Variants in AMY2B observed in about 807,000 individuals in gnomAD.
The protein encoded by AMY2B is alpha-amylase 2B.
In AMY2B, 63 loss-of-function variants were observed where a neutral mutation model predicts 59.3. The ratio of observed to expected loss-of-function variants is 1.06; its 90% confidence interval spans 0.87 to 1.31. The LOEUF (loss-of-function observed/expected upper bound fraction) is 1.31, where lower values mean the gene tolerates loss of function less well. AMY2B is among the 50% of genes most tolerant of loss of function. The pLI is 0.00. For missense variants in AMY2B, 635 were observed against 626.7 expected (o/e 1.01, Z -0.14); for synonymous variants, 180 against 198.1 (o/e 0.91, Z 0.77).
exon 1 of AMY2B, chr1:103,554,934 C>T (rs1176419604): frequency 6.6e-6 from 1 of 152,164 alleles, no homozygotes; most frequent in African/African-American, 2.4e-5. Context: ...TGACATGATT[C>T]ACTAATTTTC....
rs112568517 is a variant in AMY2B at position 103,565,147 on chromosome 1, T to C, written c.-206-288T>C. 1,331 of 152,230 alleles carry C rather than the reference T, an allele frequency of 8.7e-3. 23 individuals carry two copies. The highest frequency in any genetic ancestry group is 0.031 in the African/African-American group (1,267 of 41,514). 9.4% of individuals were successfully genotyped at this position (152,230 alleles called of 1,614,324 possible). ...TGAAACCACAGATAGTACCAAGCCT[T>C]TTGCAGTCATCTCTCCAGTATCTGT... On this transcript the variant is annotated intron_variant, in intron 1 of 11. Transcript: ENST00000361355.
rs1328355650 is a variant in AMY2B at position 103,577,800 on chromosome 1, T to C, written c.1301T>C (p.Phe434Ser). The stretch of plus-strand genomic sequence containing the variant: ...GATAATGGGAGCAACCAAGTGGCTT[T>C]TGGGAGAGGAAACAGAGGATTCATT... Reference protein sequence around the residue: ...WYDNGSNQVAFGRGNRGFIVF... With the variant: ...WYDNGSNQVASGRGNRGFIVF... The change falls in exon 9 of 10, where the codon TTT becomes TCT. Residue 434 changes from phenylalanine (F) to serine (S), a missense_variant. Physicochemically the swap from Phe to Ser is radical, Grantham distance 155. Coordinates refer to ENST00000684275, the MANE Select transcript of AMY2B (RefSeq NM_001387437.1). 1.2e-6 allele frequency: 2 copies of C among 1,606,472 alleles called. No individual in the cohort carries two copies. Among genetic ancestry groups the C allele is most frequent in the East Asian group, 2.2e-5 (1 of 44,872 alleles).
In AMY2B at chr1:103,577,194, T is replaced by A. The variant is rs539531217; in HGVS notation, c.1102-296T>A. On this transcript the variant is annotated intron_variant, in intron 7 of 9. Coordinates refer to ENST00000684275, the MANE Select transcript of AMY2B (RefSeq NM_001387437.1). ...TCAAGGCTGCAGTGAGCTATGATTA[T>A]GCCACTGTACTCCAGCCTGGGTGAC... 4.6e-5 allele frequency among the ~76,000 whole-genome samples: 7 copies of A among 152,306 alleles called. No homozygotes were observed. In the South Asian group the frequency reaches 1.5e-3, roughly 32 times the overall value.
intron 1 of AMY2B, among the ~76,000 whole-genome samples, chr1:103,555,766 G>A (rs954084369): frequency 2.0e-5 from 3 of 152,270 alleles, no homozygotes; most frequent in Admixed American, 6.5e-5. Context: ...AAAGAGTCTT[G>A]CGTTCAAGGG....
Position 103,571,747 on chromosome 1 carries a change from C to A in AMY2B, c.145C>A (p.Pro49Thr). ...TCTTGAATGTGAGCGATATTTAGCT[C>A]CCAAGGGATTTGGAGGGGTTCAGGT... ...IALECERYLA[P>T]KGFGGVQVSP... Residue 49 changes from proline to threonine, a missense_variant, in exon 1 of 10, where the codon CCC becomes ACC. By Grantham distance (38) the Pro-to-Thr change is conservative. Transcript: ENST00000684275. 5.6e-6 allele frequency: 9 copies of A among 1,611,838 alleles called. No homozygotes were observed. Among genetic ancestry groups the A allele is most frequent in the Non-Finnish European group, 7.6e-6 (9 of 1,179,810 alleles).
intron 7 of AMY2B, among the ~76,000 whole-genome samples, chr1:103,576,705 CTA>C (rs1652369037): frequency 6.6e-6 from 1 of 152,080 alleles, no homozygotes; most frequent in Admixed American, 6.6e-5. Context: ...ATGATGGACT[CTA>C]ATATTTATTG....
intron 1 of AMY2B, among the ~76,000 whole-genome samples, chr1:103,555,990 G>C (rs183535411): frequency 2.0e-5 from 3 of 152,096 alleles, no homozygotes; most frequent in Non-Finnish European, 4.4e-5. Flanking sequence ...CATTAGTAAC[G>C]GTAGGATGAA....
chr1:103,557,304 T>A (rs1335755365), intron 1 of AMY2B, among the ~76,000 whole-genome samples: 1 of 152,160 alleles, frequency 6.6e-6, no homozygotes, highest in Non-Finnish European at 1.5e-5. Context: ...CATCTGTGAC[T>A]AATATATAAA....
At chr1:103,564,797 C>CT (rs751530086) in intron 1 of AMY2B, among the ~76,000 whole-genome samples, 18 of 152,044 alleles carry the variant, frequency 1.2e-4, no homozygotes, top group Non-Finnish European at 2.4e-4. Context: ...TTCTTCATAT[C>CT]TTTTTTTAAT....
At position 103,574,251 on chromosome 1, in the gene AMY2B, T is replaced by G; in HGVS notation, c.745-9T>G. On this transcript the variant is annotated splice_polypyrimidine_tract_variant and intron_variant, in intron 4 of 9. Transcript: ENST00000684275. ...TGCAAAATGTTACTTTTTCCTAATT[T>G]TCTACTAGGTAATTGATCTGGGTGG... 1 of 1,611,766 alleles carries G rather than the reference T, an allele frequency of 6.2e-7. No individual in the cohort carries two copies. The highest frequency in any genetic ancestry group is 8.5e-7 in the Non-Finnish European group (1 of 1,179,670).
intron 5 of AMY2B, among the ~76,000 whole-genome samples, chr1:103,574,665 A>G (rs1338904771): frequency 1.3e-5 from 2 of 152,158 alleles, no homozygotes; most frequent in African/African-American, 4.8e-5. Context: ...ATGTTTGCAT[A>G]TAATCTTTTA....
chr1:103,573,825 C>A lies in AMY2B; in HGVS notation c.631C>A (p.Leu211Ile), dbSNP rs757285004. ...LIDIGVAGFRLDASKHMWPGD... is the reference protein window; with the variant it reads ...LIDIGVAGFRIDASKHMWPGD... Reference sequence around the variant, plus strand: ...TGACATTGGTGTTGCAGGGTTCAGACTTGATGCTTCCAAGCACATGTGGCC... The same window carrying A: ...TGACATTGGTGTTGCAGGGTTCAGAATTGATGCTTCCAAGCACATGTGGCC... Residue 211 changes from leucine to isoleucine, a missense_variant, in exon 4 of 10, where the codon CTT becomes ATT. By Grantham distance (5) the Leu-to-Ile change is conservative. Transcript: ENST00000684275. 6 of 1,613,842 alleles carry A rather than the reference C, an allele frequency of 3.7e-6. No individual in the cohort carries two copies. In the African/African-American group the frequency reaches 4.0e-5, roughly 11 times the overall value.
At chr1:103,564,481 C>T (rs546955520) in intron 1 of AMY2B, among the ~76,000 whole-genome samples, 196 of 152,224 alleles carry the variant, frequency 1.3e-3, no homozygotes, top group Non-Finnish European at 2.3e-3. Flanking sequence ...TAAAAATCAT[C>T]TCGGGTAATA....
At chr1:103,561,766 TGTA>T (rs1651742639) in intron 1 of AMY2B, 2 of 150,896 alleles carry the variant, frequency 1.3e-5, no homozygotes, top group Admixed American at 6.7e-5. Context: ...CGAGATATAG[TGTA>T]GTAAGAAGAG....
upstream of AMY2B, chr1:103,570,740 G>T (rs1652095815): frequency 2.0e-6 from 1 of 511,662 alleles, no homozygotes; most frequent in Non-Finnish European, 4.0e-6. Context: ...ATTTGCCCCT[G>T]GCAAATGCAT....
intron 9 of AMY2B, among the ~76,000 whole-genome samples, 185 bp downstream of exon 9, chr1:103,578,030 T>G (rs1305871165): frequency 6.6e-6 from 1 of 152,202 alleles, no homozygotes; most frequent in Non-Finnish European, 1.5e-5. Context: ...TTCTCCTGTT[T>G]TATTAAGGGC....
At chr1:103,579,249 G>A (rs772569127) in intron 9 of AMY2B, 62 bp from the exon 10 acceptor site, 1 of 1,610,972 alleles carries the variant, frequency 6.2e-7, no homozygotes, top group East Asian at 2.2e-5. Flanking sequence ...CTGTTTAGTT[G>A]TGTTAGCCTG....
intron 1 of AMY2B, among the ~76,000 whole-genome samples, chr1:103,564,772 C>T (rs1323348376): frequency 6.6e-6 from 1 of 151,998 alleles, no homozygotes; most frequent in Non-Finnish European, 1.5e-5. Flanking sequence ...TGAAAACTAC[C>T]AATTCTCTGC....
intron 1 of AMY2B, among the ~76,000 whole-genome samples, chr1:103,555,948 G>T (rs1419549906): frequency 6.6e-6 from 1 of 152,056 alleles, no homozygotes; most frequent in Admixed American, 6.6e-5. Flanking sequence ...CAAATAGAAG[G>T]GTTCGTTTTA....
Sources: allele counts gnomAD v4.1 joint callset (sites outside exome capture counted in the v4.1 genomes callset), GRCh38; gene constraint gnomAD v4.1.1; transcripts MANE v1.5; gene names NCBI Gene and HGNC (gene_info 2026-07-23, HGNC 2026-07-21).